The following GGA2 variants were observed in gnomAD, a reference collection of about 807,000 sequenced individuals.
GGA2 encodes the protein ADP-ribosylation factor-binding protein GGA2.
In GGA2, 48 loss-of-function variants were observed where a neutral mutation model predicts 79.5. That is an observed-to-expected ratio of 0.60 (90% CI 0.48 to 0.77). GGA2 has a LOEUF of 0.77. Among genes scored for constraint, GGA2 ranks in the 30% least tolerant of loss-of-function variants. The pLI is 0.00. For synonymous variants in GGA2, 317 were observed against 302.0 expected (o/e 1.05, Z -0.51); for missense variants, 770 against 774.0 (o/e 0.99, Z 0.06).
At chr16:23,483,738 C>T (rs577935590) in intron 8 of GGA2, among the ~76,000 whole-genome samples, 1 of 152,086 alleles carries the variant, frequency 6.6e-6, no homozygotes, top group East Asian at 2.0e-4. Context: ...CCTCCGCCTC[C>T]TGGGTTCAAA....
upstream of GGA2, among the ~76,000 whole-genome samples, chr16:23,513,258 G>C (rs2142150149): frequency 8.0e-6 from 1 of 124,802 alleles, no homozygotes; most frequent in South Asian, 2.7e-4. Context: ...ATGGTGTTTT[G>C]GCATAGCGAG....
At chr16:23,488,044 G>C (rs536945483) in intron 6 of GGA2, among the ~76,000 whole-genome samples, 161 of 152,074 alleles carry the variant, frequency 1.1e-3, no homozygotes, top group Non-Finnish European at 1.8e-3. Context: ...TCTAGATACT[G>C]ATGTCCAAGG....
At chr16:23,505,080 G>C (rs1964959371) in intron 1 of GGA2, among the ~76,000 whole-genome samples, 2 of 152,200 alleles carry the variant, frequency 1.3e-5, no homozygotes, top group South Asian at 2.1e-4. Flanking sequence ...GGAGCAGAAT[G>C]CAATCCTTCA....
chr16:23,483,532 G>C (rs1394824983), intron 8 of GGA2, among the ~76,000 whole-genome samples: 1 of 152,222 alleles, frequency 6.6e-6, no homozygotes, highest in Non-Finnish European at 1.5e-5. Context: ...TGCAGAGGGA[G>C]ATGGCTGAAA....
In GGA2 at chr16:23,472,750, T is replaced by A. The variant is rs546516508; in HGVS notation, c.1450+2154A>T. On this transcript the variant is annotated intron_variant, in intron 14 of 16. Coordinates refer to ENST00000309859, the MANE Select transcript of GGA2 (RefSeq NM_015044.4). ...AAATAATTTAAAAAAAAAGACTGAA[T>A]AGGGCCGGGCGCAGTGGCTCACGCC... Among the ~76,000 whole-genome samples, 6 of 151,250 alleles carry A rather than the reference T, an allele frequency of 4.0e-5. No homozygotes were observed. The South Asian group carries it at 1.3e-3, about 32-fold the overall frequency.
chr16:23,478,576 T>C (rs776540969), intron 12 of GGA2, 75 bp from the exon 13 acceptor site: 1 of 1,438,292 alleles, frequency 7.0e-7, no homozygotes, highest in South Asian at 1.1e-5. Flanking sequence ...AAGGCACAGC[T>C]CTCCTGAGCC....
At chr16:23,498,918 T>C (rs1802723901) in intron 1 of GGA2, among the ~76,000 whole-genome samples, 1 of 152,216 alleles carries the variant, frequency 6.6e-6, no homozygotes, top group Non-Finnish European at 1.5e-5. Context: ...TCTGTTTCAG[T>C]TCACTACAAG....
At chr16:23,491,959 C>T (rs571439360) in intron 4 of GGA2, among the ~76,000 whole-genome samples, 159 bp from the exon 5 acceptor site, 29 of 152,220 alleles carry the variant, frequency 1.9e-4, no homozygotes, top group African/African-American at 7.0e-4. Context: ...CGCCCAGCCC[C>T]GGAGCCCTTC....
At chr16:23,490,691 C>G (rs1964771393) in intron 5 of GGA2, among the ~76,000 whole-genome samples, 1 of 151,650 alleles carries the variant, frequency 6.6e-6, no homozygotes. Flanking sequence ...ACAGAGATCG[C>G]CCCACTGCAC....
At chr16:23,481,328 G>A (rs563180097) in intron 9 of GGA2, among the ~76,000 whole-genome samples, 13 of 152,200 alleles carry the variant, frequency 8.5e-5, no homozygotes, top group South Asian at 2.1e-4. Context: ...AGCTGAGATC[G>A]CACCATTGCA....
chr16:23,467,752 C>T (rs753924908), intron 16 of GGA2, 52 bp from the exon 17 acceptor site: 3 of 873,490 alleles, frequency 3.4e-6, no homozygotes, highest in Non-Finnish European at 3.9e-6. Context: ...AACCCAGGAA[C>T]AGGGGTCAAT....
At chr16:23,468,852 C>A in intron 16 of GGA2, 34 bp downstream of exon 16, 1 of 1,340,090 alleles carries the variant, frequency 7.5e-7, no homozygotes, top group Non-Finnish European at 1.1e-6. Context: ...TCAGGGGCCC[C>A]CATCTCCCTG....
upstream of GGA2, among the ~76,000 whole-genome samples, chr16:23,511,520 T>TG (rs1236860457): frequency 3.9e-5 from 5 of 128,218 alleles, no homozygotes; most frequent in Non-Finnish European, 8.4e-5. Context: ...TTTTTTCAGA[T>TG]GGAGTCTCGC....
At chr16:23,479,939 C>A (rs752649954) in intron 10 of GGA2, 52 bp from the exon 11 acceptor site, 31 of 1,592,778 alleles carry the variant, frequency 1.9e-5, no homozygotes, top group Middle Eastern at 1.7e-4. Flanking sequence ...AGAGCAAAGT[C>A]TCCACATAAA....
chr16:23,503,595 A>G (rs947524519), intron 1 of GGA2, among the ~76,000 whole-genome samples: 1 of 152,248 alleles, frequency 6.6e-6, no homozygotes, highest in Non-Finnish European at 1.5e-5. Context: ...TTTATTATCT[A>G]TTATCCCATC....
intron 3 of GGA2, 84 bp downstream of exon 3, chr16:23,494,219 G>A (rs1964825456): frequency 1.1e-6 from 1 of 889,806 alleles, no homozygotes; most frequent in Non-Finnish European, 1.9e-6. Context: ...CCAGTGAAAA[G>A]GATCTGTGTG....
At chr16:23,521,539 C>T (rs2142154793) in intron 1 of GGA2, among the ~76,000 whole-genome samples, 1 of 152,180 alleles carries the variant, frequency 6.6e-6, no homozygotes, top group Admixed American at 6.5e-5. Context: ...GCTGGGACTA[C>T]AGGCATATGT....
chr16:23,504,994 G>C (rs967626958), intron 1 of GGA2, among the ~76,000 whole-genome samples: 18 of 152,226 alleles, frequency 1.2e-4, no homozygotes, highest in African/African-American at 3.6e-4. Flanking sequence ...CAACCACCGG[G>C]GTCATGACCC....
intron 4 of GGA2, among the ~76,000 whole-genome samples, chr16:23,492,733 G>A (rs1964804814): frequency 1.3e-5 from 2 of 152,170 alleles, no homozygotes; most frequent in Non-Finnish European, 2.9e-5. Context: ...GGGCGGTGGG[G>A]GTCATAGGAA....
Sources: gnomAD v4.1 joint callset for allele counts (sites outside exome capture counted in the v4.1 genomes callset) on GRCh38, gnomAD v4.1.1 for gene constraint, MANE v1.5 for transcripts, NCBI Gene and HGNC (gene_info 2026-07-23, HGNC 2026-07-21) for gene names.